The following TENM3 variants were observed in gnomAD, a reference collection of about 807,000 sequenced individuals.
TENM3 encodes teneurin-3.
A neutral mutation model predicts 255.1 loss-of-function variants in TENM3; 63 were observed. That is an observed-to-expected ratio of 0.25 (90% CI 0.20 to 0.30). The LOEUF (loss-of-function observed/expected upper bound fraction) is 0.30, where lower values mean the gene tolerates loss of function less well. Among genes scored for constraint, TENM3 ranks in the 10% least tolerant of loss-of-function variants. TENM3 has a pLI of 1.00. For synonymous variants in TENM3, 1,306 were observed against 1,322.3 expected, an observed-to-expected ratio of 0.99 and a Z score of 0.27; for missense variants, 2,929 against 3,461.1, an observed-to-expected ratio of 0.85 and a Z score of 3.86.
intron 1 of TENM3, among the ~76,000 whole-genome samples, chr4:182,148,434 A>G (rs2149568510): frequency 6.6e-6 from 1 of 152,242 alleles, no homozygotes; most frequent in South Asian, 2.1e-4. Context: ...AAACATGAGG[A>G]AGCAATTCAT....
chr4:182,316,228 A>G lies in TENM3; in HGVS notation c.-75-7718A>G, dbSNP rs141663212. On this transcript the variant is annotated intron_variant, in intron 1 of 27. Transcript: ENST00000511685. Reference sequence around the variant, plus strand: ...CAAAAAGAAGTTAAGCGACTTGGAAACAGTTAGATCCTTCCTGGTCTTGCT... The same window carrying G: ...CAAAAAGAAGTTAAGCGACTTGGAAGCAGTTAGATCCTTCCTGGTCTTGCT... Among the ~76,000 whole-genome samples, 412 of 152,296 alleles carry G rather than the reference A, an allele frequency of 2.7e-3. 2 individuals are homozygous for G. The highest frequency in any genetic ancestry group is 9.7e-3 in the African/African-American group (402 of 41,566).
intron 1 of TENM3, among the ~76,000 whole-genome samples, chr4:182,315,421 T>C (rs190775454): frequency 2.0e-5 from 3 of 152,230 alleles, no homozygotes; most frequent in East Asian, 3.9e-4. Context: ...TTTTTTTCTT[T>C]CAGTACTTTA....
chr4:182,294,312 G>T (rs1761326778), intron 1 of TENM3, among the ~76,000 whole-genome samples: 2 of 152,086 alleles, frequency 1.3e-5, no homozygotes, highest in Admixed American at 6.6e-5. Context: ...CCAGACTGAA[G>T]ATCTAGATCC....
chr4:181,479,281 A>T, the TENM3 span, among the ~76,000 whole-genome samples: 318 of 152,332 alleles, frequency 2.1e-3, no homozygotes, highest in African/African-American at 6.3e-3. Flanking sequence ...TATACATGTC[A>T]CAAAAGGCAG....
At chr4:182,505,420 T>G (rs961718432) in intron 3 of TENM3, among the ~76,000 whole-genome samples, 1 of 152,088 alleles carries the variant, frequency 6.6e-6, no homozygotes, top group Non-Finnish European at 1.5e-5. Context: ...AAAGATTTCT[T>G]TATTGCTGTA....
At chr4:182,393,104 C>A (rs1433952152) in intron 3 of TENM3, among the ~76,000 whole-genome samples, 1 of 152,152 alleles carries the variant, frequency 6.6e-6, no homozygotes, top group East Asian at 1.9e-4. Flanking sequence ...CTGTGTAGCA[C>A]ACCATTAAAA....
chr4:181,937,817 C>A, the TENM3 span, among the ~76,000 whole-genome samples: 1 of 152,198 alleles, frequency 6.6e-6, no homozygotes, highest in African/African-American at 2.4e-5. Context: ...TTGCCCCAGT[C>A]ATCTTTCTCC....
At chr4:182,389,521 A>G (rs1169584031) in intron 3 of TENM3, among the ~76,000 whole-genome samples, 1 of 152,214 alleles carries the variant, frequency 6.6e-6, no homozygotes, top group Non-Finnish European at 1.5e-5. Context: ...ATTTTAGGTC[A>G]GCGTATGTGG....
At chr4:182,513,767 C>T (rs1737657379) in intron 3 of TENM3, among the ~76,000 whole-genome samples, 1 of 152,140 alleles carries the variant, frequency 6.6e-6, no homozygotes, top group Non-Finnish European at 1.5e-5. Context: ...TAATAAATAA[C>T]TCGCCCACAA....
chr4:181,478,219 C>A, the TENM3 span, among the ~76,000 whole-genome samples: 1 of 152,166 alleles, frequency 6.6e-6, no homozygotes, highest in Admixed American at 6.5e-5. Context: ...CCATAAAATG[C>A]AAATGTGCTA....
At chr4:181,711,733 G>A in the TENM3 span, among the ~76,000 whole-genome samples, 1 of 152,156 alleles carries the variant, frequency 6.6e-6, no homozygotes, top group Non-Finnish European at 1.5e-5. Context: ...TGTGAGCACA[G>A]ACCTTGAAGG....
chr4:181,472,161 A>C, the TENM3 span, among the ~76,000 whole-genome samples: 30,383 of 152,148 alleles, frequency 0.2, 3,220 homozygotes, highest in Middle Eastern at 0.25. Context: ...GCCTATAGCC[A>C]CCTGCCCAGA....
intron 4 of TENM3, among the ~76,000 whole-genome samples, chr4:182,606,113 G>T (rs6820811): frequency 6.6e-6 from 1 of 152,022 alleles, no homozygotes; most frequent in Non-Finnish European, 1.5e-5. Context: ...GACCCCCTTC[G>T]CAGAAAAAGC....
In TENM3 at chr4:182,688,474, C is replaced by T. The variant is rs1488951145; in HGVS notation, c.2221+123C>T. 11 of 751,184 alleles carry T rather than the reference C, an allele frequency of 1.5e-5. 1 individual carries two copies. In the Admixed American group the frequency reaches 2.4e-4, roughly 17 times the overall value. 46.5% of individuals were successfully genotyped at this position (751,184 alleles called of 1,614,324 possible). A position where few individuals can be genotyped will look rare whatever the true frequency, so the allele number is the denominator to read the frequency against. ...TATTTTTTACTTGTCTTTCTTAACA[C>T]GAAATTATTTTTTAAATATGGTTGT... On this transcript the variant is annotated intron_variant, in intron 12 of 27. Coordinates refer to ENST00000511685, the MANE Select transcript of TENM3 (RefSeq NM_001080477.4).
At chr4:181,941,872 A>G in the TENM3 span, among the ~76,000 whole-genome samples, 5 of 152,188 alleles carry the variant, frequency 3.3e-5, no homozygotes, top group South Asian at 4.1e-4. Flanking sequence ...GAGATTGTCC[A>G]TATCATAAGT....
intron 3 of TENM3, among the ~76,000 whole-genome samples, chr4:182,518,402 T>C (rs1281877567): frequency 6.6e-6 from 1 of 152,118 alleles, no homozygotes; most frequent in Non-Finnish European, 1.5e-5. Context: ...TTAAGGTCCC[T>C]AATCAGTTGA....
the TENM3 span, among the ~76,000 whole-genome samples, chr4:181,684,918 CTTTTTTT>C: frequency 9.1e-4 from 41 of 45,050 alleles, 1 homozygote; most frequent in Non-Finnish European, 2.8e-4. Flanking sequence ...CCGTGCCTGG[CTTTTTTT>C]TTTTTTTTTT....
At chr4:182,762,135 T>G (rs1408262678) in intron 22 of TENM3, among the ~76,000 whole-genome samples, 1 of 151,922 alleles carries the variant, frequency 6.6e-6, no homozygotes, top group Non-Finnish European at 1.5e-5. Flanking sequence ...AAAAACAGAT[T>G]AGTCAGATTT....
At chr4:182,431,104 T>C (rs1168623462) in intron 3 of TENM3, among the ~76,000 whole-genome samples, 2 of 150,996 alleles carry the variant, frequency 1.3e-5, no homozygotes, top group Non-Finnish European at 3.0e-5. Flanking sequence ...ACTGATGAGG[T>C]GAGAAAAGGG....
Sources: gnomAD v4.1 joint callset for allele counts (sites outside exome capture counted in the v4.1 genomes callset) on GRCh38, gnomAD v4.1.1 for gene constraint, MANE v1.5 for transcripts, NCBI Gene and HGNC (gene_info 2026-07-23, HGNC 2026-07-21) for gene names.